Variants in SLIT3 observed in about 807,000 individuals in gnomAD.
SLIT3 encodes slit guidance ligand 3, also known as slit homolog 3 protein.
SLIT3 carries 68 observed loss-of-function variants against 184.0 expected under a neutral mutation model. The observed-to-expected ratio is 0.37, with a 90% CI of 0.30 to 0.45. The LOEUF (loss-of-function observed/expected upper bound fraction) is 0.45, where lower values mean the gene tolerates loss of function less well. Ranked by LOEUF, SLIT3 falls within the 20% of genes least tolerant of loss-of-function variation. The pLI is 1.00. For synonymous variants in SLIT3, 831 were observed against 828.6 expected (o/e 1.00, Z -0.05); for missense variants, 1,707 against 2,026.0 (o/e 0.84, Z 3.02).
chr5:168,864,947 C>T (rs1225212083), intron 5 of SLIT3, among the ~76,000 whole-genome samples: 1 of 152,112 alleles, frequency 6.6e-6, no homozygotes, highest in Non-Finnish European at 1.5e-5. Context: ...GCGGGTGGAT[C>T]ACCTGAGGTC....
At chr5:169,246,635 T>C (rs1765601895) in intron 2 of SLIT3, among the ~76,000 whole-genome samples, 1 of 152,140 alleles carries the variant, frequency 6.6e-6, no homozygotes. Flanking sequence ...GCTTAAGAAA[T>C]GTTGGCCGGG....
chr5:169,300,923 G>T lies in SLIT3; in HGVS notation c.-214C>A, dbSNP rs1210500547. On this transcript the variant is annotated 5_prime_UTR_variant, in exon 1 of 36. Coordinates refer to ENST00000519560, the MANE Select transcript of SLIT3 (RefSeq NM_003062.4). The surrounding 1 kb of genome is among the most constrained non-coding windows in gnomAD (Gnocchi z 4.1). ...CAGCAACAGCAGCTCCATCGGCGGG[G>T]CCGGCGCTGCCCCGCTGCGCATCGC... is the stretch of plus-strand genomic sequence containing the variant. 1.2e-5 allele frequency: 3 copies of T among 245,210 alleles called. No individual in the cohort carries two copies. The highest frequency in any genetic ancestry group is 1.8e-4 in the East Asian group (2 of 11,208). The allele number at this position is 245,210 out of a possible 1,614,324, so 15.2% of individuals were successfully genotyped here.
chr5:169,029,056 A>T (rs1009637890), intron 4 of SLIT3, among the ~76,000 whole-genome samples: 4 of 152,226 alleles, frequency 2.6e-5, no homozygotes, highest in Non-Finnish European at 4.4e-5. Context: ...CAAACCAGAT[A>T]GGAGGAGGAA....
At position 169,029,990 on chromosome 5, in the gene SLIT3, C is replaced by G. The variant is rs75855473; in HGVS notation, c.414-146654G>C. Among the ~76,000 whole-genome samples the G allele has an allele frequency of 4.7e-3, 722 of 152,304 alleles. 7 individuals are homozygous for G. Among genetic ancestry groups the G allele is most frequent in the Non-Finnish European group, 6.9e-3 (469 of 68,034 alleles). ...TGAATGCTGTCCTCTGCCTTGTAAT[C>G]CAGGGCTTTTAGGAACCACTTCAGC... On this transcript the variant is annotated intron_variant, in intron 4 of 35. Transcript: ENST00000519560.
At chr5:169,247,956 G>A (rs1185818514) in intron 2 of SLIT3, among the ~76,000 whole-genome samples, 1 of 152,136 alleles carries the variant, frequency 6.6e-6, no homozygotes, top group Non-Finnish European at 1.5e-5. Context: ...TTGACTTCTG[G>A]ATTCCTGTCA....
chr5:169,286,519 T>C (rs1434989741), intron 1 of SLIT3, among the ~76,000 whole-genome samples: 1 of 152,058 alleles, frequency 6.6e-6, no homozygotes, highest in Non-Finnish European at 1.5e-5. Flanking sequence ...GCTGAAAGGA[T>C]CCTTGGAGAT....
chr5:169,105,892 A>G lies in SLIT3; in HGVS notation c.413+87587T>C, dbSNP rs1480606485. Among the ~76,000 whole-genome samples, 3 of 152,040 alleles carry G rather than the reference A, an allele frequency of 2.0e-5. No homozygotes were observed. In the East Asian group the frequency reaches 5.8e-4, roughly 29 times the overall value. Reference sequence around the variant, plus strand: ...CTTAGGTTGATTCCATGTCTTTGCTATTGTGAATAGTGCTGCAGTGAACAT... The same window carrying G: ...CTTAGGTTGATTCCATGTCTTTGCTGTTGTGAATAGTGCTGCAGTGAACAT... On this transcript the variant is annotated intron_variant, in intron 4 of 35. Coordinates refer to ENST00000519560, the MANE Select transcript of SLIT3 (RefSeq NM_003062.4).
intron 18 of SLIT3, chr5:168,752,752 T>C: frequency 1.7e-6 from 1 of 579,136 alleles, no homozygotes; most frequent in Non-Finnish European, 3.1e-6. Context: ...TTCACTATGC[T>C]GTGAGTTCCA....
At chr5:169,071,924 C>T (rs942196535) in intron 4 of SLIT3, among the ~76,000 whole-genome samples, 2 of 152,142 alleles carry the variant, frequency 1.3e-5, no homozygotes, top group Non-Finnish European at 2.9e-5. Context: ...ACTCTTGGAA[C>T]GTCACAGAGA....
At chr5:168,857,069 C>G (rs1322891342) in intron 5 of SLIT3, among the ~76,000 whole-genome samples, 1 of 152,028 alleles carries the variant, frequency 6.6e-6, no homozygotes. Flanking sequence ...CCAAGTCAGT[C>G]TCACCGAGCT....
At chr5:169,190,385 CT>C (rs1011366142) in intron 4 of SLIT3, among the ~76,000 whole-genome samples, 5 of 152,250 alleles carry the variant, frequency 3.3e-5, no homozygotes, top group African/African-American at 1.2e-4. Flanking sequence ...CTGGATCCAG[CT>C]GTTCCTGAAG....
At chr5:168,997,459 C>CTAG (rs1755553690) in intron 4 of SLIT3, among the ~76,000 whole-genome samples, 1 of 152,116 alleles carries the variant, frequency 6.6e-6, no homozygotes, top group Non-Finnish European at 1.5e-5. Context: ...GAGGGAGGGT[C>CTAG]TTCTCCAAAA....
chr5:168,710,741 C>T (rs1017443518), intron 25 of SLIT3, among the ~76,000 whole-genome samples, 154 bp downstream of exon 25: 6 of 152,300 alleles, frequency 3.9e-5, no homozygotes, highest in African/African-American at 1.4e-4. Flanking sequence ...TTCACATCAG[C>T]GTCAGCATCT....
At chr5:168,903,246 C>T (rs1442294622) in intron 4 of SLIT3, among the ~76,000 whole-genome samples, 2 of 152,274 alleles carry the variant, frequency 1.3e-5, no homozygotes, top group African/African-American at 2.4e-5. Context: ...AGGGATAAGC[C>T]GTGAGTCTCC....
chr5:169,161,564 A>G (rs1177096940), intron 4 of SLIT3, among the ~76,000 whole-genome samples: 2 of 152,328 alleles, frequency 1.3e-5, no homozygotes, highest in Non-Finnish European at 2.9e-5. Context: ...AGAGATGTTT[A>G]AAGAGAAACA....
intron 1 of SLIT3, among the ~76,000 whole-genome samples, chr5:169,254,156 A>G (rs1765869355): frequency 6.6e-6 from 1 of 152,204 alleles, no homozygotes; most frequent in Non-Finnish European, 1.5e-5. Flanking sequence ...CATGCTTTGT[A>G]GGAGCTTTGT....
At chr5:168,706,090 TG>T (rs1762364689) in intron 26 of SLIT3, among the ~76,000 whole-genome samples, 3 of 152,226 alleles carry the variant, frequency 2.0e-5, no homozygotes, top group Admixed American at 2.0e-4. Context: ...TGCCATAGAC[TG>T]ATAATCCTGG....
In SLIT3 at chr5:168,817,476, G is replaced by A. The variant is rs780399821; in HGVS notation, c.630-13C>T. The A allele has an allele frequency of 6.9e-6, 11 of 1,604,810 alleles. No homozygotes were observed. Among genetic ancestry groups the A allele is most frequent in the Middle Eastern group, 1.7e-4 (1 of 6,058 alleles). On this transcript the variant is annotated splice_polypyrimidine_tract_variant and intron_variant, in intron 7 of 35. Coordinates refer to ENST00000519560, the MANE Select transcript of SLIT3 (RefSeq NM_003062.4). ...GGAGTGGAGGCGCCTGGGAGAGGGCGGGACAGAGAGAAGGCATGGTCACAG... is the reference window on the plus strand; with the variant it reads ...GGAGTGGAGGCGCCTGGGAGAGGGCAGGACAGAGAGAAGGCATGGTCACAG...
intron 4 of SLIT3, among the ~76,000 whole-genome samples, chr5:169,052,306 C>T (rs937360127): frequency 2.0e-5 from 3 of 152,144 alleles, no homozygotes; most frequent in Non-Finnish European, 2.9e-5. Flanking sequence ...ATCTACAGGA[C>T]GGCCTGTGAA....
Sources: gnomAD v4.1 joint callset for allele counts (sites outside exome capture counted in the v4.1 genomes callset) on GRCh38, gnomAD v4.1.1 for gene constraint, Gnocchi (gnomAD v3.1) non-coding constraint, MANE v1.5 for transcripts, NCBI Gene and HGNC (gene_info 2026-07-23, HGNC 2026-07-21) for gene names.